ACTN1: variants seen among roughly 807,000 people sequenced by gnomAD.
ACTN1 encodes the protein alpha-actinin-1.
A neutral mutation model predicts 119.6 loss-of-function variants in ACTN1; 30 were observed. The observed-to-expected ratio is 0.25, with a 90% CI of 0.19 to 0.34. ACTN1 has a LOEUF of 0.34. ACTN1 is among the 10% of genes least tolerant of loss of function. The pLI is 1.00. For missense variants in ACTN1, 764 were observed against 1,223.4 expected, an observed-to-expected ratio of 0.62 and a Z score of 5.60; for synonymous variants, 429 against 472.6, an observed-to-expected ratio of 0.91 and a Z score of 1.20.
At chr14:68,897,586 C>T (rs1366709656) in intron 8 of ACTN1, among the ~76,000 whole-genome samples, 1 of 152,214 alleles carries the variant, frequency 6.6e-6, no homozygotes, top group South Asian at 2.1e-4. Flanking sequence ...GGCTCCACCA[C>T]CCACAACCCA....
At chr14:68,942,968 G>A (rs930843611) in intron 1 of ACTN1, among the ~76,000 whole-genome samples, 3 of 152,114 alleles carry the variant, frequency 2.0e-5, no homozygotes, top group Non-Finnish European at 2.9e-5. Flanking sequence ...GGAGCCTAAC[G>A]ACCTCAATTC....
chr14:68,885,887 C>T lies in ACTN1; in HGVS notation c.1235-312G>A. 3.8e-6 allele frequency: 1 copy of T among 266,516 alleles called. No homozygotes were observed. The highest frequency in any genetic ancestry group is 7.3e-6 in the Non-Finnish European group (1 of 136,264). The allele number at this position is 266,516 out of a possible 1,614,324, so 16.5% of individuals were successfully genotyped here. ...ACACACAGCGGGAAACACAGCCATCCACACCCTCTGGTATAACCAGGAAAA... is the reference window on the plus strand; with the variant it reads ...ACACACAGCGGGAAACACAGCCATCTACACCCTCTGGTATAACCAGGAAAA... On this transcript the variant is annotated intron_variant, in intron 11 of 21. Transcript: ENST00000394419. The surrounding 1 kb of genome is among the most constrained non-coding windows in gnomAD (Gnocchi z 5.6).
In ACTN1 at chr14:68,879,078, G is replaced by A. The variant is rs747842736; in HGVS notation, c.2281-9C>T. On this transcript the variant is annotated splice_polypyrimidine_tract_variant and intron_variant, in intron 18 of 21. Coordinates refer to ENST00000394419, the MANE Select transcript of ACTN1 (RefSeq NM_001130004.2). The surrounding 1 kb of genome is among the most constrained non-coding windows in gnomAD (Gnocchi z 4.9). ...AGTGTGCCGGAGTGATCCTGGGGCC[G>A]CGGTGCGCCAGGCAGCGAGCCATGC... The A allele has an allele frequency of 1.1e-5, 17 of 1,603,026 alleles. No homozygotes were observed. Among genetic ancestry groups the A allele is most frequent in the East Asian group, 4.5e-5 (2 of 44,588 alleles).
At chr14:68,901,703 G>A (rs2033347358) in intron 8 of ACTN1, among the ~76,000 whole-genome samples, 1 of 152,202 alleles carries the variant, frequency 6.6e-6, no homozygotes, top group African/African-American at 2.4e-5. Context: ...CCTAAGCCTG[G>A]TGATGAAAAT....
intron 1 of ACTN1, among the ~76,000 whole-genome samples, chr14:68,932,302 T>C (rs2035256828): frequency 6.6e-6 from 1 of 151,678 alleles, no homozygotes; most frequent in African/African-American, 2.4e-5. Context: ...CTCTCTCCCG[T>C]GCTGGATGCC....
At chr14:68,945,941 C>A (rs2035930123) in intron 1 of ACTN1, among the ~76,000 whole-genome samples, 1 of 152,206 alleles carries the variant, frequency 6.6e-6, no homozygotes, top group African/African-American at 2.4e-5. Flanking sequence ...CAATCTTAAC[C>A]ACCCCAGAAG....
intron 1 of ACTN1, among the ~76,000 whole-genome samples, chr14:68,973,439 C>A (rs756324363): frequency 1.3e-5 from 2 of 152,214 alleles, no homozygotes; most frequent in Non-Finnish European, 2.9e-5. Context: ...TCGCTCTGCA[C>A]TTCTCCATCC....
At position 68,879,616 on chromosome 14, in the gene ACTN1, G is replaced by A. The variant is rs2031300605; in HGVS notation, c.2280+346C>T. ...GGGGTAGGGGTAGGGGCCAGCGAGG[G>A]CAGGAGGAGTCTCTTCTGCTCCTCT... On this transcript the variant is annotated intron_variant, in intron 18 of 21. Transcript: ENST00000394419. The surrounding 1 kb of genome is among the most constrained non-coding windows in gnomAD (Gnocchi z 4.9). Among the ~76,000 whole-genome samples the A allele has an allele frequency of 6.6e-6, 1 of 152,164 alleles. No individual in the cohort carries two copies. Among genetic ancestry groups the A allele is most frequent in the South Asian group, 2.1e-4 (1 of 4,830 alleles).
chr14:68,929,526 C>T (rs1442400733), intron 1 of ACTN1, among the ~76,000 whole-genome samples: 3 of 152,210 alleles, frequency 2.0e-5, no homozygotes, highest in African/African-American at 4.8e-5. Context: ...CTTCAAGTCA[C>T]CTCCTTGGGC....
chr14:68,955,932 A>G (rs2036338654), intron 1 of ACTN1, among the ~76,000 whole-genome samples: 1 of 152,214 alleles, frequency 6.6e-6, no homozygotes, highest in African/African-American at 2.4e-5. Flanking sequence ...GGGGGTGGCT[A>G]GTGAATTTAC....
chr14:68,975,036 G>A (rs186074627), intron 1 of ACTN1, among the ~76,000 whole-genome samples: 172 of 152,296 alleles, frequency 1.1e-3, no homozygotes, highest in African/African-American at 3.6e-3. Context: ...GTCCAAGTCC[G>A]ACACAGCCTG....
chr14:68,885,273 A>G lies in ACTN1; in HGVS notation c.1385+152T>C. On this transcript the variant is annotated intron_variant, in intron 12 of 21. Coordinates refer to ENST00000394419, the MANE Select transcript of ACTN1 (RefSeq NM_001130004.2). This position sits in a 1 kb window ranked among gnomAD's most constrained non-coding sequence, Gnocchi z 5.6. ...GGGCTCCTTCCCCACCAGGAGAGAT[A>G]TTTGTCTCCTGCGTTGACTCCCTCC... 9.8e-7 allele frequency: 1 copy of G among 1,021,922 alleles called. No individual in the cohort carries two copies. Among genetic ancestry groups the G allele is most frequent in the Non-Finnish European group, 1.4e-6 (1 of 724,930 alleles). The allele number at this position is 1,021,922 out of a possible 1,614,324, so 63.3% of individuals were successfully genotyped here.
chr14:68,973,950 C>T (rs1566684871), intron 1 of ACTN1: 1 of 152,304 alleles, frequency 6.6e-6, no homozygotes, highest in Non-Finnish European at 1.5e-5. Flanking sequence ...CTGGTGGGTT[C>T]CAGGACCCCA....
At chr14:68,893,802 T>C in intron 8 of ACTN1, 55 bp from the exon 9 acceptor site, 1 of 1,547,174 alleles carries the variant, frequency 6.5e-7, no homozygotes, top group South Asian at 1.1e-5. Context: ...CAGGGGCACC[T>C]GGTACACACC....
chr14:68,895,420 C>T (rs1357112235), intron 8 of ACTN1, among the ~76,000 whole-genome samples: 1 of 152,154 alleles, frequency 6.6e-6, no homozygotes. Context: ...GTCTAGGAGA[C>T]CTGGAGCCCC....
chr14:68,954,051 T>C (rs2036266738), intron 1 of ACTN1, among the ~76,000 whole-genome samples: 1 of 152,222 alleles, frequency 6.6e-6, no homozygotes, highest in South Asian at 2.1e-4. Flanking sequence ...ACATATTATC[T>C]TCCTTATTTA....
intron 1 of ACTN1, among the ~76,000 whole-genome samples, chr14:68,960,695 A>G (rs1195240952): frequency 1.3e-5 from 2 of 151,594 alleles, no homozygotes; most frequent in African/African-American, 4.9e-5. Flanking sequence ...AGGATCACTT[A>G]AGGCCAGGAG....
At chr14:68,919,296 C>A (rs183425406) in intron 3 of ACTN1, among the ~76,000 whole-genome samples, 235 of 152,236 alleles carry the variant, frequency 1.5e-3, no homozygotes, top group African/African-American at 5.4e-3. Flanking sequence ...ACGGTCCCTA[C>A]CCACCCCTGC....
chr14:68,880,147 A>T lies in ACTN1; in HGVS notation c.2134-39T>A. 2 of 1,602,356 alleles carry T rather than the reference A, an allele frequency of 1.2e-6. No homozygotes were observed. Among genetic ancestry groups the T allele is most frequent in the Non-Finnish European group, 1.7e-6 (2 of 1,173,130 alleles). On this transcript the variant is annotated intron_variant, in intron 17 of 21. Coordinates refer to ENST00000394419, the MANE Select transcript of ACTN1 (RefSeq NM_001130004.2). This position sits in a 1 kb window ranked among gnomAD's most constrained non-coding sequence, Gnocchi z 4.6. Reference sequence around the variant, plus strand: ...AGGGGCCTGTCAGCAAAGGGGTCCCAGGCCTGGGCTCCTGGCGGCCCCTGC... The same window carrying T: ...AGGGGCCTGTCAGCAAAGGGGTCCCTGGCCTGGGCTCCTGGCGGCCCCTGC...
Sources: allele counts gnomAD v4.1 joint callset (sites outside exome capture counted in the v4.1 genomes callset), GRCh38; gene constraint gnomAD v4.1.1; non-coding constraint Gnocchi (gnomAD v3.1); transcripts MANE v1.5; gene names NCBI Gene and HGNC (gene_info 2026-07-23, HGNC 2026-07-21).